Variants in MCUB observed in about 807,000 individuals in gnomAD.
The protein encoded by MCUB is calcium uniporter regulatory subunit MCUb, mitochondrial.
Under a neutral mutation model 41.4 loss-of-function variants are expected in MCUB, and 46 were observed. The ratio of observed to expected loss-of-function variants is 1.11; its 90% CI spans 0.88 to 1.42. MCUB has a LOEUF of 1.42. MCUB is among the 40% of genes most tolerant of loss of function. The pLI, the probability that MCUB is intolerant of heterozygous loss-of-function variation, is 0.00. For synonymous variants in MCUB, 148 were observed against 148.2 expected, an observed-to-expected ratio of 1.00 and a Z score of 0.01; for missense variants, 403 against 404.9, an observed-to-expected ratio of 1.00 and a Z score of 0.04.
chr4:109,665,934 A>G (rs1013280126), intron 4 of MCUB, among the ~76,000 whole-genome samples: 5 of 151,856 alleles, frequency 3.3e-5, no homozygotes, highest in African/African-American at 4.8e-5. Context: ...AGAGGAGTGA[A>G]AAAAGGGGGA....
chr4:109,670,950 C>G (rs974115636), intron 4 of MCUB, among the ~76,000 whole-genome samples: 17 of 152,146 alleles, frequency 1.1e-4, no homozygotes, highest in Non-Finnish European at 2.1e-4. Flanking sequence ...AGCAATTTGT[C>G]AGTTACAGTT....
intron 3 of MCUB, among the ~76,000 whole-genome samples, chr4:109,663,835 G>A (rs6833699): frequency 0.044 from 6,643 of 152,072 alleles, 499 homozygotes; most frequent in African/African-American, 0.15. Context: ...GACAGGCCCA[G>A]AAGAGGGCAG....
chr4:109,658,117 C>T (rs1331616312), intron 1 of MCUB, among the ~76,000 whole-genome samples: 6 of 152,182 alleles, frequency 3.9e-5, no homozygotes, highest in Non-Finnish European at 8.8e-5. Context: ...CGTGAGCCAT[C>T]GTGTCCCACC....
At chr4:109,632,220 G>A (rs1298405118) in intron 1 of MCUB, among the ~76,000 whole-genome samples, 3 of 152,226 alleles carry the variant, frequency 2.0e-5, no homozygotes, top group Non-Finnish European at 4.4e-5. Flanking sequence ...GACCACATAT[G>A]TATCTGTTTC....
intron 1 of MCUB, among the ~76,000 whole-genome samples, chr4:109,617,937 G>A (rs576426551): frequency 6.6e-6 from 1 of 152,234 alleles, no homozygotes; most frequent in Admixed American, 6.5e-5. Flanking sequence ...GAAAGGCCTG[G>A]GAAGTCTTGT....
At chr4:109,641,267 ATTTTTT>A (rs70954174) in intron 1 of MCUB, among the ~76,000 whole-genome samples, 1 of 136,786 alleles carries the variant, frequency 7.3e-6, no homozygotes, top group African/African-American at 2.7e-5. Flanking sequence ...TACTTTTTGT[ATTTTTT>A]TTTTTTTTTT....
intron 4 of MCUB, among the ~76,000 whole-genome samples, chr4:109,678,930 C>A (rs1247948322): frequency 2.0e-5 from 3 of 146,642 alleles, no homozygotes; most frequent in African/African-American, 8.0e-5. Flanking sequence ...CTCCTCACAT[C>A]CCAGACAGGG....
At chr4:109,669,395 T>C (rs980246341) in intron 4 of MCUB, among the ~76,000 whole-genome samples, 1 of 152,120 alleles carries the variant, frequency 6.6e-6, no homozygotes, top group African/African-American at 2.4e-5. Flanking sequence ...TCTTTTTTTT[T>C]CTCTGCTATA....
intron 1 of MCUB, among the ~76,000 whole-genome samples, chr4:109,560,750 G>A (rs933812963): frequency 2.0e-5 from 3 of 152,104 alleles, no homozygotes; most frequent in African/African-American, 7.2e-5. Context: ...AGAATAACCT[G>A]GGAGGCAGTT....
At chr4:109,666,328 T>G (rs1428288167) in intron 4 of MCUB, among the ~76,000 whole-genome samples, 1 of 152,194 alleles carries the variant, frequency 6.6e-6, no homozygotes, top group Non-Finnish European at 1.5e-5. Context: ...GGAACATGAT[T>G]GCTGGCACAT....
In MCUB at chr4:109,685,286, T is replaced by G; in HGVS notation, c.852T>G (p.Phe284Leu). ...ACTCAGCTGTTAAGAGTAGGCAATT[T>G]CTTCAGTTCTTCCACAAGAAATCAA... ...YTYSAVKSRQ[F>L]LQFFHKKSKQ... is the part of the protein sequence containing the mutation. The change falls in exon 7 of 8, where the codon TTT becomes TTG. Residue 284 changes from phenylalanine to leucine, a missense_variant. By Grantham distance (22) the Phe-to-Leu change is conservative. Coordinates refer to ENST00000394650, the MANE Select transcript of MCUB (RefSeq NM_017918.5). 6.4e-7 allele frequency: 1 copy of G among 1,568,648 alleles called. No individual in the cohort carries two copies. Among genetic ancestry groups the G allele is most frequent in the Non-Finnish European group, 8.8e-7 (1 of 1,139,542 alleles).
At chr4:109,668,515 C>G (rs1579092190) in intron 4 of MCUB, among the ~76,000 whole-genome samples, 1 of 152,080 alleles carries the variant, frequency 6.6e-6, no homozygotes, top group South Asian at 2.1e-4. Context: ...TGCTTTTCAT[C>G]TATATATGTC....
At chr4:109,578,801 T>C (rs1303274394) in intron 1 of MCUB, among the ~76,000 whole-genome samples, 1 of 152,088 alleles carries the variant, frequency 6.6e-6, no homozygotes, top group Non-Finnish European at 1.5e-5. Flanking sequence ...GACATTGCCC[T>C]ATTTTTCTCC....
At chr4:109,685,210 T>A in intron 6 of MCUB, 41 bp from the exon 7 acceptor site, 1 of 850,392 alleles carries the variant, frequency 1.2e-6, no homozygotes, top group Non-Finnish European at 2.0e-6. Flanking sequence ...TTATGTTCAT[T>A]CAAAACATGT....
At chr4:109,563,566 A>G (rs1726692632) in intron 1 of MCUB, among the ~76,000 whole-genome samples, 1 of 152,216 alleles carries the variant, frequency 6.6e-6, no homozygotes, top group Non-Finnish European at 1.5e-5. Flanking sequence ...CGCTATGGAA[A>G]AGACATTGAT....
intron 1 of MCUB, among the ~76,000 whole-genome samples, chr4:109,647,065 C>T (rs1407756858): frequency 1.4e-4 from 21 of 152,242 alleles, no homozygotes; most frequent in African/African-American, 4.6e-4. Context: ...AGCAAAACCA[C>T]GCAGAAAGCT....
At chr4:109,656,504 G>A (rs1285503184) in intron 1 of MCUB, among the ~76,000 whole-genome samples, 1 of 150,870 alleles carries the variant, frequency 6.6e-6, no homozygotes, top group Non-Finnish European at 1.5e-5. Flanking sequence ...AGCCTCCCAA[G>A]TAGCCAGGAC....
At chr4:109,646,642 A>G (rs10010159) in intron 1 of MCUB, among the ~76,000 whole-genome samples, 108,041 of 152,142 alleles carry the variant, frequency 0.71, 39,162 homozygotes, top group African/African-American at 0.86. Flanking sequence ...ATGAGATGCT[A>G]CATAACTTAG....
rs1726588386 is a variant in MCUB at position 109,560,301 on chromosome 4, C to G, written c.-37C>G. 8 of 1,087,074 alleles carry G rather than the reference C, an allele frequency of 7.4e-6. No homozygotes were observed. Among genetic ancestry groups the G allele is most frequent in the Middle Eastern group, 3.4e-4 (1 of 2,952 alleles). 67.3% of individuals were successfully genotyped at this position (1,087,074 alleles called of 1,614,324 possible). A position where few individuals can be genotyped will look rare whatever the true frequency, so the allele number is the denominator to read the frequency against. On this transcript the variant is annotated 5_prime_UTR_variant, in exon 1 of 8. Transcript: ENST00000394650. Reference sequence around the variant, plus strand: ...AGCCCGGCTGAGGGAGGATGCGCCGCTGACGCCTGCGGGAGCCGCGCGCCT... The same window carrying G: ...AGCCCGGCTGAGGGAGGATGCGCCGGTGACGCCTGCGGGAGCCGCGCGCCT...
Sources: allele counts gnomAD v4.1 joint callset (sites outside exome capture counted in the v4.1 genomes callset), GRCh38; gene constraint gnomAD v4.1.1; transcripts MANE v1.5; gene names NCBI Gene and HGNC (gene_info 2026-07-23, HGNC 2026-07-21).